Variants in SPMAP2L observed in about 807,000 individuals in gnomAD.
The protein encoded by SPMAP2L is sperm microtubule associated protein 2-like.
chr4:56,540,967 G>C, the SPMAP2L span, among the ~76,000 whole-genome samples: 3 of 152,318 alleles, frequency 2.0e-5, no homozygotes, highest in South Asian at 2.1e-4. Context: ...TTCAATTGGA[G>C]CATACATTTA....
At chr4:56,595,620 C>T in the SPMAP2L span, 74 of 1,267,296 alleles carry the variant, frequency 5.8e-5, no homozygotes, top group African/African-American at 1.8e-4. Context: ...AGTGATTGCC[C>T]GGATTGATGA....
At chr4:56,602,460 A>G in the SPMAP2L span, among the ~76,000 whole-genome samples, 2 of 152,176 alleles carry the variant, frequency 1.3e-5, no homozygotes, top group Non-Finnish European at 2.9e-5. Context: ...TGGGAGGCCA[A>G]AGCAGACAGA....
the SPMAP2L span, among the ~76,000 whole-genome samples, chr4:56,577,535 G>A: frequency 6.6e-6 from 1 of 152,034 alleles, no homozygotes; most frequent in South Asian, 2.1e-4. Context: ...GCAGTGAGCA[G>A]AGATTGCGCC....
chr4:56,543,895 A>AGTGTGTGT, the SPMAP2L span, among the ~76,000 whole-genome samples: 23 of 109,458 alleles, frequency 2.1e-4, no homozygotes, highest in African/African-American at 5.6e-4. Flanking sequence ...AGAGAGAGAG[A>AGTGTGTGT]GTGTGTGTGT....
chr4:56,585,496 A>G, the SPMAP2L span, among the ~76,000 whole-genome samples: 1 of 152,110 alleles, frequency 6.6e-6, no homozygotes, highest in African/African-American at 2.4e-5. Context: ...GGTGTCTGCC[A>G]CCACAATCAG....
chr4:56,601,949 T>G, the SPMAP2L span, among the ~76,000 whole-genome samples: 1 of 152,182 alleles, frequency 6.6e-6, no homozygotes, highest in Non-Finnish European at 1.5e-5. Context: ...GCCTGTAGTA[T>G]CTCAGAAGGG....
the SPMAP2L span, among the ~76,000 whole-genome samples, chr4:56,533,424 T>C: frequency 6.6e-6 from 1 of 152,200 alleles, no homozygotes; most frequent in Non-Finnish European, 1.5e-5. Flanking sequence ...TCTACATATC[T>C]TTCCACCATG....
chr4:56,610,828 G>A, the SPMAP2L span, among the ~76,000 whole-genome samples: 7 of 152,034 alleles, frequency 4.6e-5, no homozygotes, highest in Admixed American at 1.3e-4. Flanking sequence ...AAATGGCCAA[G>A]AAACATATGA....
chr4:56,571,538 A>G, the SPMAP2L span, among the ~76,000 whole-genome samples: 1 of 151,958 alleles, frequency 6.6e-6, no homozygotes, highest in Non-Finnish European at 1.5e-5. Flanking sequence ...GCTGGTCTCA[A>G]ACTCCTGGGC....
chr4:56,558,407 T>A, the SPMAP2L span, among the ~76,000 whole-genome samples: 1 of 152,340 alleles, frequency 6.6e-6, no homozygotes, highest in Non-Finnish European at 1.5e-5. Flanking sequence ...GTTTTCTAGT[T>A]CTTGTGGCCA....
chr4:56,543,895 A>AGTGTGTGTGTGTGTGT, the SPMAP2L span, among the ~76,000 whole-genome samples: 21 of 109,458 alleles, frequency 1.9e-4, no homozygotes, highest in African/African-American at 7.0e-4. Context: ...AGAGAGAGAG[A>AGTGTGTGTGTGTGTGT]GTGTGTGTGT....
At chr4:56,532,762 T>C in the SPMAP2L span, among the ~76,000 whole-genome samples, 11 of 152,340 alleles carry the variant, frequency 7.2e-5, no homozygotes, top group Admixed American at 2.6e-4. Flanking sequence ...TCATCATGCA[T>C]GGAGATTTCA....
At chr4:56,561,858 G>T in the SPMAP2L span, among the ~76,000 whole-genome samples, 2 of 151,942 alleles carry the variant, frequency 1.3e-5, no homozygotes, top group African/African-American at 4.8e-5. Context: ...TGAGTAGCTG[G>T]GATTACAGGC....
At chr4:56,605,464 CA>C in the SPMAP2L span, among the ~76,000 whole-genome samples, 2,340 of 152,286 alleles carry the variant, frequency 0.015, 56 homozygotes, top group African/African-American at 0.051. Flanking sequence ...ACTTTGATCC[CA>C]TGGGAAAGTG....
chr4:56,599,390 T>A, the SPMAP2L span, among the ~76,000 whole-genome samples: 3 of 152,242 alleles, frequency 2.0e-5, no homozygotes, highest in East Asian at 1.9e-4. Context: ...CTTTATTTTT[T>A]AATTTTTTTC....
chr4:56,543,209 G>A, the SPMAP2L span, among the ~76,000 whole-genome samples: 1 of 151,068 alleles, frequency 6.6e-6, no homozygotes, highest in East Asian at 2.0e-4. Context: ...TCAGCCTCCC[G>A]AGTAGCTGGG....
At chr4:56,574,081 A>G in the SPMAP2L span, among the ~76,000 whole-genome samples, 3 of 152,108 alleles carry the variant, frequency 2.0e-5, no homozygotes, top group Admixed American at 6.6e-5. Context: ...TTTTCCACTG[A>G]TGATGTATTT....
chr4:56,588,074 G>T, the SPMAP2L span, among the ~76,000 whole-genome samples: 1 of 152,330 alleles, frequency 6.6e-6, no homozygotes, highest in Admixed American at 6.5e-5. Flanking sequence ...CATTAGTGAT[G>T]TTGAGCATTT....
chr4:56,585,276 G>C, the SPMAP2L span, among the ~76,000 whole-genome samples: 1 of 152,224 alleles, frequency 6.6e-6, no homozygotes, highest in Non-Finnish European at 1.5e-5. Flanking sequence ...GCTATTAGAA[G>C]ATAAGGCTTT....
Sources: gnomAD v4.1 joint callset for allele counts (sites outside exome capture counted in the v4.1 genomes callset) on GRCh38, gnomAD v4.1.1 for gene constraint, MANE v1.5 for transcripts, NCBI Gene and HGNC (gene_info 2026-07-23, HGNC 2026-07-21) for gene names.